Variants in FRAS1 observed in about 807,000 individuals in gnomAD.
FRAS1 encodes Fraser extracellular matrix complex subunit 1.
Under a neutral mutation model 435.2 loss-of-function variants are expected in FRAS1, and 290 were observed. That is an observed-to-expected ratio of 0.67 (90% confidence interval 0.61 to 0.73). The LOEUF (loss-of-function observed/expected upper bound fraction) is 0.73, where lower values mean the gene tolerates loss of function less well. Among genes scored for constraint, FRAS1 ranks in the 30% least tolerant of loss-of-function variants. FRAS1 has a pLI of 0.00. For missense variants in FRAS1, 4,860 were observed against 5,001.5 expected (o/e 0.97, Z 0.85); for synonymous variants, 1,800 against 1,851.0 (o/e 0.97, Z 0.71).
intron 20 of FRAS1, among the ~76,000 whole-genome samples, chr4:78,341,246 G>C (rs1338305093): frequency 6.6e-6 from 1 of 152,168 alleles, no homozygotes; most frequent in Admixed American, 6.5e-5. Context: ...GGGCCAAAGA[G>C]GATTATTTAT....
chr4:78,114,684 C>T (rs1251567217), intron 2 of FRAS1, among the ~76,000 whole-genome samples: 1 of 152,202 alleles, frequency 6.6e-6, no homozygotes, highest in African/African-American at 2.4e-5. Context: ...ATTTTGTATC[C>T]TAAGACTTTG....
At chr4:78,304,861 T>C (rs1473109387) in intron 14 of FRAS1, among the ~76,000 whole-genome samples, 1 of 151,828 alleles carries the variant, frequency 6.6e-6, no homozygotes, top group Non-Finnish European at 1.5e-5. Context: ...CTCTATTTCC[T>C]TCAGTTCTGC....
At chr4:78,364,262 C>T (rs1019507091) in intron 22 of FRAS1, among the ~76,000 whole-genome samples, 4 of 152,170 alleles carry the variant, frequency 2.6e-5, no homozygotes, top group African/African-American at 9.7e-5. Flanking sequence ...CTGGGCTTGG[C>T]GGTGGGGTCT....
intron 2 of FRAS1, among the ~76,000 whole-genome samples, chr4:78,122,173 G>C (rs1719069658): frequency 6.6e-6 from 1 of 151,910 alleles, no homozygotes; most frequent in African/African-American, 2.4e-5. Flanking sequence ...TCCCTTCCCT[G>C]TGTCCATGTG....
At chr4:78,434,020 A>C (rs1734315039) in intron 38 of FRAS1, among the ~76,000 whole-genome samples, 1 of 152,250 alleles carries the variant, frequency 6.6e-6, no homozygotes, top group South Asian at 2.1e-4. Flanking sequence ...GGTAGGTTAT[A>C]CACTAACTTT....
intron 61 of FRAS1, among the ~76,000 whole-genome samples, chr4:78,502,234 G>GTT (rs567449681): frequency 6.6e-6 from 1 of 152,094 alleles, no homozygotes; most frequent in Non-Finnish European, 1.5e-5. Context: ...ATTTAAAGTA[G>GTT]TTTTTTTCCA....
intron 29 of FRAS1, among the ~76,000 whole-genome samples, chr4:78,396,007 T>G (rs1732646075): frequency 6.6e-6 from 1 of 152,078 alleles, no homozygotes; most frequent in African/African-American, 2.4e-5. Context: ...TTCTCTTTAT[T>G]TTTTGTGTAT....
At chr4:78,319,452 A>C (rs1032487067) in intron 18 of FRAS1, 17 of 456,686 alleles carry the variant, frequency 3.7e-5, no homozygotes, top group Non-Finnish European at 7.5e-5. Flanking sequence ...TCCTGAATAA[A>C]TAATTTGACT....
intron 65 of FRAS1, among the ~76,000 whole-genome samples, chr4:78,514,713 A>C (rs1721150044): frequency 6.6e-6 from 1 of 152,072 alleles, no homozygotes; most frequent in South Asian, 2.1e-4. Flanking sequence ...GCTGGGTCTC[A>C]AGCATTCTAA....
Position 78,376,458 on chromosome 4 carries a change from A to T in FRAS1, c.3292+579A>T, listed in dbSNP as rs1409382332. Among the ~76,000 whole-genome samples the T allele has an allele frequency of 5.9e-5, 9 of 152,334 alleles. No homozygotes were observed. In the South Asian group the frequency reaches 1.7e-3, roughly 28 times the overall value. ...TACAGCATAATTTTATGGGACCACCATCATATAAGTGGTCTGTTGTTGACT... is the reference window on the plus strand; with the variant it reads ...TACAGCATAATTTTATGGGACCACCTTCATATAAGTGGTCTGTTGTTGACT... On this transcript the variant is annotated intron_variant, in intron 26 of 73. Coordinates refer to ENST00000512123, the MANE Select transcript of FRAS1 (RefSeq NM_025074.7).
In FRAS1 at chr4:78,305,564, T is replaced by C. The variant is rs561655563; in HGVS notation, c.1535-2502T>C. 3.3e-3 allele frequency among the ~76,000 whole-genome samples: 419 copies of C among 127,174 alleles called. 2 individuals carry two copies. Among genetic ancestry groups the C allele is most frequent in the African/African-American group, 0.012 (403 of 33,704 alleles). 83.4% of individuals were successfully genotyped at this position (127,174 alleles called of 152,430 possible). ...GGTGCTGCTGTATTGGGTGCATATA[T>C]ATTCAGGATAGTTAGCTCTTCTTGT... On this transcript the variant is annotated intron_variant, in intron 14 of 73. Transcript: ENST00000512123.
chr4:78,219,149 T>G (rs1158635649), intron 2 of FRAS1, among the ~76,000 whole-genome samples: 1 of 152,174 alleles, frequency 6.6e-6, no homozygotes, highest in Non-Finnish European at 1.5e-5. Flanking sequence ...TATTTAATGT[T>G]CTTATTAGGG....
chr4:78,201,044 G>A lies in FRAS1; in HGVS notation c.109-36466G>A, dbSNP rs147902303. Among the ~76,000 whole-genome samples, 453 of 151,870 alleles carry A rather than the reference G, an allele frequency of 3.0e-3. 4 individuals carry two copies. Among genetic ancestry groups the A allele is most frequent in the African/African-American group, 9.8e-3 (407 of 41,422 alleles). On this transcript the variant is annotated intron_variant, in intron 2 of 73. Coordinates refer to ENST00000512123, the MANE Select transcript of FRAS1 (RefSeq NM_025074.7). Reference sequence around the variant, plus strand: ...CATAATGAGTTCTCAGTAATGATTTGAACTTTGTTCATACTTTTCTGATCT... The same window carrying A: ...CATAATGAGTTCTCAGTAATGATTTAAACTTTGTTCATACTTTTCTGATCT...
At position 78,369,975 on chromosome 4, in the gene FRAS1, A is replaced by T; in HGVS notation, c.2860A>T (p.Thr954Ser). Reference sequence around the variant, plus strand: ...GTACTATCTTGACTTCTCCACCAACACGTGCAAAGGTAAAGCTCTTCCTGA... The same window carrying T: ...GTACTATCTTGACTTCTCCACCAACTCGTGCAAAGGTAAAGCTCTTCCTGA... ...PQYYLDFSTN[T>S]CKECDWSCSA... Residue 954 changes from threonine to serine, a missense_variant, in exon 23 of 74, where the codon ACG (threonine) becomes TCG (serine). Transcript: ENST00000512123. 3.1e-6 allele frequency: 5 copies of T among 1,613,360 alleles called. No individual in the cohort carries two copies. Among genetic ancestry groups the T allele is most frequent in the Non-Finnish European group, 4.2e-6 (5 of 1,179,498 alleles).
In FRAS1 at chr4:78,531,707, C is replaced by T. The variant is rs150089483; in HGVS notation, c.10926-2742C>T. ...GAAATCAGAAGAGAACTTATGCAAG[C>T]TTCTATCATCATACCTACATCTGTG... On this transcript the variant is annotated intron_variant, in intron 70 of 73. Coordinates refer to ENST00000512123, the MANE Select transcript of FRAS1 (RefSeq NM_025074.7). Among the ~76,000 whole-genome samples, 5 of 152,266 alleles carry T rather than the reference C, an allele frequency of 3.3e-5. No individual in the cohort carries two copies. In the East Asian group the frequency reaches 9.7e-4, roughly 29 times the overall value.
Position 78,332,175 on chromosome 4 carries a change from G to T in FRAS1, c.2138-1097G>T, listed in dbSNP as rs146293010. Among the ~76,000 whole-genome samples, 241 of 152,258 alleles carry T rather than the reference G, an allele frequency of 1.6e-3. 1 individual carries two copies. The highest frequency in any genetic ancestry group is 5.5e-3 in the African/African-American group (229 of 41,542). ...AAGAATAGTAGCCTGGAGTGTAAGC[G>T]TATGATAAGGGAGGTGGTGGGAGTG... On this transcript the variant is annotated intron_variant, in intron 18 of 73. Transcript: ENST00000512123.
At chr4:78,290,670 G>A (rs186751747) in intron 14 of FRAS1, among the ~76,000 whole-genome samples, 3 of 151,724 alleles carry the variant, frequency 2.0e-5, no homozygotes, top group African/African-American at 4.8e-5. Flanking sequence ...GGCTGGTGTC[G>A]AACTCCTGAC....
At chr4:78,091,097 G>T (rs951585152) in intron 2 of FRAS1, among the ~76,000 whole-genome samples, 1 of 152,000 alleles carries the variant, frequency 6.6e-6, no homozygotes, top group Admixed American at 6.6e-5. Flanking sequence ...ATTTAGGTGG[G>T]GTTAGTTTCA....
chr4:78,099,910 T>C (rs1742032206), intron 2 of FRAS1, among the ~76,000 whole-genome samples: 1 of 152,178 alleles, frequency 6.6e-6, no homozygotes, highest in Non-Finnish European at 1.5e-5. Context: ...GCTGGATTTC[T>C]TGAGGATCTA....
Sources: gnomAD v4.1 joint callset for allele counts (sites outside exome capture counted in the v4.1 genomes callset) on GRCh38, gnomAD v4.1.1 for gene constraint, MANE v1.5 for transcripts, NCBI Gene and HGNC (gene_info 2026-07-23, HGNC 2026-07-21) for gene names.